GFOD2: variants seen among roughly 807,000 people sequenced by gnomAD.
The protein encoded by GFOD2 is glucose-fructose oxidoreductase domain-containing protein 2.
Under a neutral mutation model 24.6 loss-of-function variants are expected in GFOD2, and 9 were observed. The ratio of observed to expected loss-of-function variants is 0.37; its 90% CI spans 0.22 to 0.64. The LOEUF is 0.64. GFOD2 is among the 30% of genes least tolerant of loss of function. The probability of loss-of-function intolerance (pLI) is 0.65; values close to 1 mark genes in which losing one functional copy is unlikely to be tolerated. For missense variants in GFOD2, 476 were observed against 532.5 expected, an observed-to-expected ratio of 0.89 and a Z score of 1.04; for synonymous variants, 211 against 224.8, an observed-to-expected ratio of 0.94 and a Z score of 0.55.
chr16:67,702,592 ATTTTTTTTTTT>A (rs561204882), intron 1 of GFOD2, among the ~76,000 whole-genome samples: 4 of 104,716 alleles, frequency 3.8e-5, no homozygotes, highest in Admixed American at 1.2e-4. Flanking sequence ...GGTAGCCAGG[ATTTTTTTTTTT>A]TTTTTTTTTT....
At chr16:67,703,627 T>C (rs905541280) in intron 1 of GFOD2, among the ~76,000 whole-genome samples, 2 of 152,130 alleles carry the variant, frequency 1.3e-5, no homozygotes, top group African/African-American at 4.8e-5. Context: ...TAAAACACAA[T>C]TTCTTGCAGA....
At chr16:67,680,873 C>T (rs2053220151) in intron 2 of GFOD2, 1 of 985,306 alleles carries the variant, frequency 1.0e-6, no homozygotes, top group African/African-American at 1.7e-5. Flanking sequence ...CAATTTATGA[C>T]ACTTCAATCT....
intron 1 of GFOD2, among the ~76,000 whole-genome samples, chr16:67,698,419 G>GA (rs1230743493): frequency 6.6e-6 from 1 of 152,192 alleles, no homozygotes; most frequent in Non-Finnish European, 1.5e-5. Context: ...TGAGTACACT[G>GA]ACTGTTTCCT....
chr16:67,704,064 A>G (rs2053422207), intron 1 of GFOD2, among the ~76,000 whole-genome samples: 1 of 152,230 alleles, frequency 6.6e-6, no homozygotes, highest in Non-Finnish European at 1.5e-5. Context: ...TCGTGTGTAG[A>G]TACCACATTT....
At chr16:67,701,825 G>A (rs2053404296) in intron 1 of GFOD2, among the ~76,000 whole-genome samples, 1 of 150,904 alleles carries the variant, frequency 6.6e-6, no homozygotes, top group Non-Finnish European at 1.5e-5. Flanking sequence ...TTAAGCCTAA[G>A]TGACTGAGAA....
intron 1 of GFOD2, among the ~76,000 whole-genome samples, chr16:67,710,589 C>T (rs905815237): frequency 8.0e-5 from 12 of 150,890 alleles, no homozygotes; most frequent in Admixed American, 6.6e-4. Flanking sequence ...GTCTCGATCT[C>T]CTGACCTCGT....
chr16:67,675,235 A>T lies in GFOD2; in HGVS notation c.1078T>A (p.Trp360Arg), dbSNP rs1327899809. The change falls in exon 3 of 3, where the codon TGG (tryptophan) becomes AGG (arginine). Residue 360 changes from tryptophan to arginine, a missense_variant. Trp to Arg is a moderately radical substitution (Grantham distance 101). Coordinates refer to ENST00000268797, the MANE Select transcript of GFOD2 (RefSeq NM_030819.4). The part of the protein sequence containing the change: ...AIKRSSRSGE[W>R]EAVEVLTEEP... Reference sequence around the variant, plus strand: ...TCCGTCAGCACCTCCACAGCCTCCCACTCCCCGGATCGGCTCGACCTCTTG... The same window carrying T: ...TCCGTCAGCACCTCCACAGCCTCCCTCTCCCCGGATCGGCTCGACCTCTTG... 6.2e-7 allele frequency: 1 copy of T among 1,612,832 alleles called. No individual in the cohort carries two copies. Among genetic ancestry groups the T allele is most frequent in the African/African-American group, 1.3e-5 (1 of 74,588 alleles).
intron 1 of GFOD2, among the ~76,000 whole-genome samples, chr16:67,711,581 T>C (rs2053474039): frequency 6.6e-6 from 1 of 152,148 alleles, no homozygotes; most frequent in African/African-American, 2.4e-5. Context: ...CTCTTTAAGC[T>C]CCAGACGGGT....
chr16:67,683,676 T>A, intron 2 of GFOD2: 1 of 1,231,498 alleles, frequency 8.1e-7, no homozygotes, highest in African/African-American at 1.5e-5. Context: ...AGAACATTTA[T>A]CCTTCCCTAC....
At chr16:67,714,300 G>A (rs955334088) in intron 1 of GFOD2, among the ~76,000 whole-genome samples, 4 of 150,234 alleles carry the variant, frequency 2.7e-5, no homozygotes, top group Non-Finnish European at 4.4e-5. Context: ...CCAACATGAC[G>A]AAACCCCATC....
chr16:67,682,816 G>A, intron 2 of GFOD2: 1 of 985,392 alleles, frequency 1.0e-6, no homozygotes, highest in Non-Finnish European at 1.2e-6. Flanking sequence ...ATTCCTTAAT[G>A]CTCCTGGGCC....
intron 1 of GFOD2, among the ~76,000 whole-genome samples, chr16:67,700,803 C>T (rs113658101): frequency 1.1e-4 from 15 of 137,368 alleles, no homozygotes; most frequent in African/African-American, 4.1e-4. Context: ...GAGGCCGAGG[C>T]GGGCGGATCA....
intron 1 of GFOD2, among the ~76,000 whole-genome samples, chr16:67,706,834 A>AT (rs1352208369): frequency 6.6e-6 from 1 of 152,160 alleles, no homozygotes; most frequent in Non-Finnish European, 1.5e-5. Context: ...AAATCAGCAG[A>AT]TGATGAGGTC....
intron 1 of GFOD2, among the ~76,000 whole-genome samples, chr16:67,686,172 T>C (rs541183342): frequency 6.6e-6 from 1 of 152,278 alleles, no homozygotes; most frequent in East Asian, 1.9e-4. Flanking sequence ...TAGTCCTAGC[T>C]ACCTGGGAGG....
chr16:67,714,823 G>C (rs1456534415), intron 1 of GFOD2, among the ~76,000 whole-genome samples: 1 of 152,140 alleles, frequency 6.6e-6, no homozygotes, highest in African/African-American at 2.4e-5. Flanking sequence ...ACTTAGAAAG[G>C]TGGCAGAGAG....
intron 1 of GFOD2, among the ~76,000 whole-genome samples, chr16:67,689,490 G>A (rs1324297992): frequency 6.6e-6 from 1 of 150,986 alleles, no homozygotes; most frequent in African/African-American, 2.4e-5. Flanking sequence ...GACCAACATC[G>A]TGAAACCCCA....
intron 1 of GFOD2, among the ~76,000 whole-genome samples, chr16:67,709,117 A>C (rs2053456694): frequency 6.6e-6 from 1 of 152,092 alleles, no homozygotes; most frequent in Non-Finnish European, 1.5e-5. Flanking sequence ...AGCCTGGGCA[A>C]CATGGCAAAA....
chr16:67,714,728 C>T (rs1197458501), intron 1 of GFOD2, among the ~76,000 whole-genome samples: 2 of 152,164 alleles, frequency 1.3e-5, no homozygotes, highest in Non-Finnish European at 2.9e-5. Flanking sequence ...ACACTAAGTA[C>T]TCAGTTCCCA....
chr16:67,681,763 A>G (rs1185277512), intron 2 of GFOD2: 10 of 985,448 alleles, frequency 1.0e-5, no homozygotes, highest in Non-Finnish European at 1.2e-5. Context: ...TGGGACTGCA[A>G]GGACATCTTG....
Sources: allele counts gnomAD v4.1 joint callset (sites outside exome capture counted in the v4.1 genomes callset), GRCh38; gene constraint gnomAD v4.1.1; transcripts MANE v1.5; gene names NCBI Gene and HGNC (gene_info 2026-07-23, HGNC 2026-07-21).